Variants in SERGEF observed in about 807,000 individuals in gnomAD.
SERGEF encodes secretion regulating guanine nucleotide exchange factor.
SERGEF carries 51 observed loss-of-function variants against 50.0 expected under a neutral mutation model. That is an observed-to-expected ratio of 1.02 (90% CI 0.81 to 1.29). SERGEF has a LOEUF of 1.29. SERGEF is among the 50% of genes most tolerant of loss of function. The pLI is 0.00. For synonymous variants in SERGEF, 205 were observed against 212.4 expected (o/e 0.97, Z 0.30); for missense variants, 521 against 557.0 (o/e 0.94, Z 0.65).
At chr11:17,925,668 C>T (rs1181093942) in intron 9 of SERGEF, among the ~76,000 whole-genome samples, 1 of 152,048 alleles carries the variant, frequency 6.6e-6, no homozygotes, top group African/African-American at 2.4e-5. Flanking sequence ...TAAAAATGCA[C>T]ACAGGGAGGC....
intron 10 of SERGEF, among the ~76,000 whole-genome samples, chr11:17,813,445 C>G (rs1849909598): frequency 6.6e-6 from 1 of 152,262 alleles, no homozygotes; most frequent in South Asian, 2.1e-4. Context: ...CTTAGAGATC[C>G]CATCTAAAAC....
intron 9 of SERGEF, chr11:17,918,556 G>T (rs1013318460): frequency 1.4e-5 from 4 of 277,080 alleles, no homozygotes; most frequent in African/African-American, 2.3e-5. Context: ...GCTGTGCCAG[G>T]TGCTGTAGGT....
chr11:17,967,113 CCT>C (rs1360792253), intron 8 of SERGEF, among the ~76,000 whole-genome samples: 2 of 152,122 alleles, frequency 1.3e-5, no homozygotes, highest in East Asian at 1.9e-4. Context: ...ACAGAAATAC[CCT>C]GAGTAGGCAT....
intron 8 of SERGEF, among the ~76,000 whole-genome samples, chr11:17,987,983 T>C (rs211122): frequency 0.96 from 146,373 of 152,260 alleles, 70,628 homozygotes; most frequent in South Asian, 1. Flanking sequence ...AGGACAAAGT[T>C]AACAATATGA....
chr11:17,788,489 G>T (rs1849426196), intron 10 of SERGEF, 76 bp from the exon 11 acceptor site: 2 of 1,283,604 alleles, frequency 1.6e-6, no homozygotes, highest in East Asian at 5.0e-5. Flanking sequence ...GAGGGTACAG[G>T]TATCATCATA....
intron 10 of SERGEF, among the ~76,000 whole-genome samples, chr11:17,852,478 A>C (rs1850731942): frequency 6.6e-6 from 1 of 152,204 alleles, no homozygotes; most frequent in African/African-American, 2.4e-5. Flanking sequence ...AGCAGCTGCT[A>C]AATCTGCTAC....
intron 9 of SERGEF, among the ~76,000 whole-genome samples, chr11:17,931,261 A>G (rs1271628503): frequency 6.6e-6 from 1 of 152,222 alleles, no homozygotes; most frequent in African/African-American, 2.4e-5. Flanking sequence ...AGCAATATCT[A>G]TAATGAATTG....
At chr11:17,792,038 T>G (rs1239027036) in intron 10 of SERGEF, among the ~76,000 whole-genome samples, 1 of 152,232 alleles carries the variant, frequency 6.6e-6, no homozygotes, top group East Asian at 1.9e-4. Flanking sequence ...TTCAAGGATT[T>G]GAATTTTTAA....
In SERGEF at chr11:17,892,627, C is replaced by T. The variant is rs912096076; in HGVS notation, c.1012-14383G>A. Among the ~76,000 whole-genome samples the T allele has an allele frequency of 5.3e-5, 8 of 152,154 alleles. No individual in the cohort carries two copies. The East Asian group carries it at 7.7e-4, about 15-fold the overall frequency. ...GATTTATTACGTAACATTACTGTGG[C>T]GATAGATAACTGACTTAAAACATCC... On this transcript the variant is annotated intron_variant, in intron 9 of 10. Coordinates refer to ENST00000265965, the MANE Select transcript of SERGEF (RefSeq NM_012139.4).
chr11:17,883,391 G>C (rs1368477243), intron 9 of SERGEF, among the ~76,000 whole-genome samples: 4 of 152,214 alleles, frequency 2.6e-5, no homozygotes, highest in African/African-American at 9.6e-5. Flanking sequence ...TAGCAGTACA[G>C]TTGTACCTGT....
intron 10 of SERGEF, among the ~76,000 whole-genome samples, chr11:17,808,432 A>G (rs887368430): frequency 1.3e-5 from 2 of 152,288 alleles, no homozygotes; most frequent in South Asian, 2.1e-4. Flanking sequence ...GGGAAGTGCC[A>G]TGCGCTTTTA....
intron 10 of SERGEF, among the ~76,000 whole-genome samples, chr11:17,843,725 C>T (rs1850550161): frequency 1.3e-5 from 2 of 152,162 alleles, no homozygotes; most frequent in African/African-American, 2.4e-5. Flanking sequence ...GTGTGTCAGA[C>T]ATTGCACTGG....
At chr11:17,930,485 C>T (rs1590203791) in intron 9 of SERGEF, among the ~76,000 whole-genome samples, 1 of 152,184 alleles carries the variant, frequency 6.6e-6, no homozygotes, top group South Asian at 2.1e-4. Context: ...ACTAAGCCTA[C>T]AGATGGAGGA....
At chr11:17,993,597 C>G (rs1490894427) in intron 6 of SERGEF, among the ~76,000 whole-genome samples, 2 of 152,204 alleles carry the variant, frequency 1.3e-5, no homozygotes, top group Non-Finnish European at 2.9e-5. Context: ...GTGGAGCTAG[C>G]CTGTGATGAC....
In SERGEF at chr11:17,796,748, G is replaced by T. The variant is rs375141084; in HGVS notation, c.1049-8335C>A. 3.3e-5 allele frequency among the ~76,000 whole-genome samples: 5 copies of T among 152,160 alleles called. No individual in the cohort carries two copies. In the East Asian group the frequency reaches 7.7e-4, roughly 23 times the overall value. On this transcript the variant is annotated intron_variant, in intron 10 of 10. Transcript: ENST00000265965. ...CCATCCATCACTCTCCAGGGCCAAGGATACCCTCGAGGCAGGAGCTGAGGC... is the reference window on the plus strand; with the variant it reads ...CCATCCATCACTCTCCAGGGCCAAGTATACCCTCGAGGCAGGAGCTGAGGC...
rs1852762053 is a variant in SERGEF at position 17,950,927 on chromosome 11, A to AATTC, written c.1011+8542_1011+8543insGAAT. Among the ~76,000 whole-genome samples the AATTC allele has an allele frequency of 2.0e-5, 3 of 152,200 alleles. No homozygotes were observed. The South Asian group carries it at 6.2e-4, about 32-fold the overall frequency. On this transcript the variant is annotated intron_variant, in intron 9 of 10. Transcript: ENST00000265965. Reference sequence around the variant, plus strand: ...AACATATGAGGTCACTAGGACTTTAAATCAGTGCTGATGAATTTCCTCTGC... The same window carrying AATTC: ...AACATATGAGGTCACTAGGACTTTAAATTCATCAGTGCTGATGAATTTCCTCTGC...
At chr11:17,885,874 C>A (rs1392418080) in intron 9 of SERGEF, among the ~76,000 whole-genome samples, 2 of 152,178 alleles carry the variant, frequency 1.3e-5, no homozygotes, top group East Asian at 3.9e-4. Flanking sequence ...GGCAGTCCCC[C>A]AGATCACCTC....
At chr11:17,844,749 C>A (rs1294664521) in intron 10 of SERGEF, among the ~76,000 whole-genome samples, 1 of 152,088 alleles carries the variant, frequency 6.6e-6, no homozygotes, top group Non-Finnish European at 1.5e-5. Flanking sequence ...GCTTTAGATT[C>A]CTTTCATTGG....
intron 9 of SERGEF, among the ~76,000 whole-genome samples, chr11:17,958,594 G>A (rs1228896134): frequency 1.3e-5 from 2 of 152,080 alleles, no homozygotes; most frequent in African/African-American, 2.4e-5. Context: ...AGTATAAAAT[G>A]TTTAGCTCAG....
Sources: gnomAD v4.1 joint callset for allele counts (sites outside exome capture counted in the v4.1 genomes callset) on GRCh38, gnomAD v4.1.1 for gene constraint, MANE v1.5 for transcripts, NCBI Gene and HGNC (gene_info 2026-07-23, HGNC 2026-07-21) for gene names.